Variants in GRPR observed in about 807,000 individuals in gnomAD.
The protein encoded by GRPR is gastrin releasing peptide receptor.
GRPR carries 4 observed loss-of-function variants against 15.6 expected under a neutral mutation model. The ratio of observed to expected loss-of-function variants is 0.26; its 90% CI spans 0.13 to 0.59. The LOEUF is 0.59. GRPR is among the 20% of genes least tolerant of loss of function. The pLI, the probability that GRPR is intolerant of heterozygous loss-of-function variation, is 0.90. For synonymous variants in GRPR, 128 were observed against 126.8 expected (o/e 1.01, Z -0.06); for missense variants, 270 against 304.1 (o/e 0.89, Z 0.83).
Position 16,124,011 on chromosome X carries a change from A to G in GRPR, c.58A>G (p.Asn20Asp), listed in dbSNP as rs1187161916. The change falls in exon 1 of 3, where the codon AAC becomes GAC. Residue 20 changes from asparagine (N) to aspartate (D), a missense_variant. Asn to Asp is a conservative substitution (Grantham distance 23, BLOSUM62 1). Around this residue, in one of 3 missense-constraint regions of GRPR, gnomAD observed 115 missense variants for 128.8 expected, o/e 0.89. Transcript: ENST00000380289. ...NLEVDHFMHC[N>D]ISSHSADLPV... ...GGAGGTGGACCATTTCATGCACTGC[A>G]ACATCTCCAGTCACAGTGCGGATCT... 5 of 1,203,457 alleles carry G rather than the reference A, an allele frequency of 4.2e-6. No individual in the cohort carries two copies. Among genetic ancestry groups the G allele is most frequent in the South Asian group, 1.8e-5 (1 of 56,742 alleles).
chrX:16,146,773 G>C (rs1922612561), intron 1 of GRPR, among the ~76,000 whole-genome samples: 1 of 112,022 alleles, frequency 8.9e-6, no homozygotes, highest in Admixed American at 9.4e-5. Flanking sequence ...CATTAGACTT[G>C]CAGGAAACAT....
Position 16,124,120 on chromosome X carries a change from T to C in GRPR, c.167T>C (p.Ile56Thr), listed in dbSNP as rs1053522664. 2 of 1,206,609 alleles carry C rather than the reference T, an allele frequency of 1.7e-6. No individual in the cohort carries two copies. Among genetic ancestry groups the C allele is most frequent in the African/African-American group, 1.8e-5 (1 of 57,126 alleles). The change falls in exon 1 of 3, where the codon ATT becomes ACT. Residue 56 changes from isoleucine (I) to threonine (T), a missense_variant. Coordinates refer to ENST00000380289, the MANE Select transcript of GRPR (RefSeq NM_005314.3). ...VYGVIILIGL[I>T]GNITLIKIFC... ...GGGGTTATCATTCTGATAGGCCTCA[T>C]TGGCAACATCACTTTGATCAAGATC...
Position 16,152,696 on chromosome X carries a change from C to T in GRPR, c.*51C>T, listed in dbSNP as rs770773823. The T allele has an allele frequency of 9.4e-7, 1 of 1,066,136 alleles. No individual in the cohort carries two copies. The highest frequency in any genetic ancestry group is 1.8e-5 in the African/African-American group (1 of 54,729). The allele number at this position is 1,066,136 out of a possible 1,213,427, so 87.9% of individuals were successfully genotyped here. ...GGGACGGTTTTGCTTTATGGCTAGACAGGAACCCTTGCATCCATTGTTGTG... is the reference window on the plus strand; with the variant it reads ...GGGACGGTTTTGCTTTATGGCTAGATAGGAACCCTTGCATCCATTGTTGTG... On this transcript the variant is annotated 3_prime_UTR_variant, in exon 3 of 3. Coordinates refer to ENST00000380289, the MANE Select transcript of GRPR (RefSeq NM_005314.3).
chrX:16,124,383 A>G lies in GRPR; in HGVS notation c.413+17A>G, dbSNP rs1569124783. The G allele has an allele frequency of 8.4e-7, 1 of 1,191,114 alleles. No homozygotes were observed. The highest frequency in any genetic ancestry group is 1.1e-6 in the Non-Finnish European group (1 of 877,202). On this transcript the variant is annotated intron_variant, in intron 1 of 2. Transcript: ENST00000380289. Reference sequence around the variant, plus strand: ...GGCAGACAGGTAAGTACAGGCTGAAAGTTACATGCTCTCCAAGGGTGATAG... The same window carrying G: ...GGCAGACAGGTAAGTACAGGCTGAAGGTTACATGCTCTCCAAGGGTGATAG...
intron 1 of GRPR, among the ~76,000 whole-genome samples, chrX:16,143,982 A>G (rs1278618767): frequency 8.9e-6 from 1 of 112,295 alleles, no homozygotes; most frequent in African/African-American, 3.2e-5. Context: ...TGGGAGAATC[A>G]CCATTAGGAA....
intron 2 of GRPR, among the ~76,000 whole-genome samples, chrX:16,151,124 A>G (rs1046594396): frequency 6.3e-5 from 7 of 111,867 alleles, no homozygotes; most frequent in African/African-American, 1.9e-4. Flanking sequence ...TCCAAGCCGC[A>G]TGATGTATTC....
intron 2 of GRPR, among the ~76,000 whole-genome samples, chrX:16,151,621 C>T (rs1226104161): frequency 8.9e-6 from 1 of 111,751 alleles, no homozygotes; most frequent in Non-Finnish European, 1.9e-5. Context: ...AACATGTTTC[C>T]CCTTGAGGTA....
intron 1 of GRPR, among the ~76,000 whole-genome samples, chrX:16,144,490 G>A (rs73635874): frequency 5.4e-4 from 60 of 111,651 alleles, no homozygotes; most frequent in African/African-American, 1.5e-3. Flanking sequence ...ACAGACTTCC[G>A]TAGGTAATTA....
intron 1 of GRPR, among the ~76,000 whole-genome samples, chrX:16,145,172 C>T (rs1034536253): frequency 8.9e-6 from 1 of 111,855 alleles, no homozygotes; most frequent in Non-Finnish European, 1.9e-5. Flanking sequence ...GAAAGGAAAT[C>T]AGTATATCTA....
At chrX:16,147,067 G>A (rs759731366) in intron 1 of GRPR, among the ~76,000 whole-genome samples, 108 of 111,014 alleles carry the variant, frequency 9.7e-4, no homozygotes, top group Middle Eastern at 9.4e-3. Flanking sequence ...GATTTCTTTC[G>A]TTTATTTGCT....
chrX:16,141,928 C>G (rs942102342), intron 1 of GRPR, among the ~76,000 whole-genome samples: 5 of 111,940 alleles, frequency 4.5e-5, no homozygotes, highest in Non-Finnish European at 3.8e-5. Context: ...GCACTTTTAG[C>G]TTAAGGGAAG....
chrX:16,146,684 TC>T (rs1296935375), intron 1 of GRPR, among the ~76,000 whole-genome samples: 1 of 112,040 alleles, frequency 8.9e-6, no homozygotes, highest in East Asian at 2.8e-4. Context: ...CTGTGGTGTC[TC>T]CCTGCATTGG....
rs1032291438 is a variant in GRPR at position 16,153,502 on chromosome X, A to G, written c.*857A>G. Reference sequence around the variant, plus strand: ...AAAAATCATGCTATTAATTAATCAAATATCTATAAATGCATAAAGTACAGT... The same window carrying G: ...AAAAATCATGCTATTAATTAATCAAGTATCTATAAATGCATAAAGTACAGT... On this transcript the variant is annotated 3_prime_UTR_variant, in exon 3 of 3. Transcript: ENST00000380289. The G allele has an allele frequency of 2.7e-5, 3 of 111,413 alleles. No homozygotes were observed. Among genetic ancestry groups the G allele is most frequent in the African/African-American group, 9.9e-5 (3 of 30,270 alleles). The allele number at this position is 111,413 out of a possible 1,213,427, so 9.2% of individuals were successfully genotyped here. A position where few individuals can be genotyped will look rare whatever the true frequency, so the allele number is the denominator to read the frequency against.
chrX:16,131,033 A>G lies in GRPR; in HGVS notation c.413+6667A>G, dbSNP rs181154881. 4.8e-3 allele frequency among the ~76,000 whole-genome samples: 540 copies of G among 112,138 alleles called. 17 individuals carry two copies. The highest frequency in any genetic ancestry group is 0.048 in the Admixed American group (510 of 10,641). ...CCTTGTCTCTCACTTGTTATCTTTT[A>G]AAGTGTTAGGCTTTTATGTGACTAA... On this transcript the variant is annotated intron_variant, in intron 1 of 2. Transcript: ENST00000380289.
rs145124378 is a variant in GRPR at position 16,150,626 on chromosome X, C to T, written c.735C>T (p.Pro245=). The T allele has an allele frequency of 2.4e-5, 28 of 1,167,452 alleles. No homozygotes were observed. In the East Asian group the frequency reaches 3.9e-4, roughly 16 times the overall value. The part of the protein sequence containing the change: ...KNLIQSAYNL[P]VEGNIHVKKQ... The stretch of plus-strand genomic sequence containing the variant: ...TGATCCAGAGTGCTTACAATCTTCC[C>T]GTGGAAGGGAATATACATGTCAAGA... The change falls in exon 2 of 3, where the codon CCC becomes CCT. Residue 245 remains proline, a synonymous_variant. Coordinates refer to ENST00000380289, the MANE Select transcript of GRPR (RefSeq NM_005314.3).
At chrX:16,150,796 G>A in intron 2 of GRPR, 140 bp downstream of exon 2, 1 of 499,985 alleles carries the variant, frequency 2.0e-6, no homozygotes, top group South Asian at 2.8e-5. Flanking sequence ...AAATGGAAAT[G>A]CCTAGCCATG....
At chrX:16,125,562 T>C (rs1362309728) in intron 1 of GRPR, among the ~76,000 whole-genome samples, 1 of 112,448 alleles carries the variant, frequency 8.9e-6, no homozygotes, top group Admixed American at 9.4e-5. Context: ...GATTCTCATT[T>C]TGTAGAGGAA....
rs139015413 is a variant in GRPR at position 16,150,639 on chromosome X, A to G, written c.748A>G (p.Ile250Val). 8.4e-5 allele frequency: 95 copies of G among 1,133,061 alleles called. No individual in the cohort carries two copies. Among genetic ancestry groups the G allele is most frequent in the Middle Eastern group, 4.8e-4 (2 of 4,183 alleles). The allele number at this position is 1,133,061 out of a possible 1,213,427, so 93.4% of individuals were successfully genotyped here. A position where few individuals can be genotyped will look rare whatever the true frequency, so the allele number is the denominator to read the frequency against. The change falls in exon 2 of 3, where the codon ATA (isoleucine) becomes GTA (valine). Residue 250 changes from isoleucine to valine, a missense_variant. By Grantham distance (29) the Ile-to-Val change is conservative. This residue lies in a region of GRPR where 133 missense variants were observed against 123.4 expected (regional missense o/e 1.08). Transcript: ENST00000380289. ...SAYNLPVEGN[I>V]HVKKQIESRK... ...TTACAATCTTCCCGTGGAAGGGAAT[A>G]TACATGTCAAGAAGCAGGTAGGTGC...
Position 16,123,625 on chromosome X carries a change from C to T in GRPR, c.-329C>T. The T allele has an allele frequency of 4.7e-6, 1 of 212,029 alleles. No individual in the cohort carries two copies. The highest frequency in any genetic ancestry group is 8.5e-6 in the Non-Finnish European group (1 of 117,421). 17.5% of individuals were successfully genotyped at this position (212,029 alleles called of 1,213,427 possible). On this transcript the variant is annotated 5_prime_UTR_variant, in exon 1 of 3. Coordinates refer to ENST00000380289, the MANE Select transcript of GRPR (RefSeq NM_005314.3). The stretch of plus-strand genomic sequence containing the variant: ...CCAAAAGTTCTTAGTAAACTGCAGC[C>T]AGGGAGACTCAGACTAGAATGGAGG...
Sources: gnomAD v4.1 joint callset for allele counts (sites outside exome capture counted in the v4.1 genomes callset) on GRCh38, gnomAD v4.1.1 for gene constraint, gnomAD v4.1.1 regional missense constraint, MANE v1.5 for transcripts, NCBI Gene and HGNC (gene_info 2026-07-23, HGNC 2026-07-21) for gene names.